The following CCT2 variants were observed in gnomAD, a reference collection of about 807,000 sequenced individuals.
The protein encoded by CCT2 is chaperonin containing TCP1 subunit 2, also known as T-complex protein 1 subunit beta.
Under a neutral mutation model 61.8 loss-of-function variants are expected in CCT2, and 18 were observed. That is an observed-to-expected ratio of 0.29 (90% CI 0.20 to 0.43). The LOEUF (loss-of-function observed/expected upper bound fraction) is 0.43, where lower values mean the gene tolerates loss of function less well. Among genes scored for constraint, CCT2 ranks in the 20% least tolerant of loss-of-function variants. CCT2 has a pLI of 1.00. For missense variants in CCT2, 556 were observed against 656.9 expected (o/e 0.85, Z 1.68); for synonymous variants, 248 against 215.9 (o/e 1.15, Z -1.30).
At chr12:69,598,504 A>G in intron 14 of CCT2, 83 bp downstream of exon 14, 1 of 778,722 alleles carries the variant, frequency 1.3e-6, no homozygotes, top group East Asian at 2.7e-5. Flanking sequence ...GAACATAAAG[A>G]GTTACAATAA....
intron 1 of CCT2, chr12:69,586,004 C>T (rs868117636): frequency 1.5e-6 from 2 of 1,348,438 alleles, no homozygotes; most frequent in South Asian, 1.7e-5. Context: ...CGTCTTTAGT[C>T]TCGCTGTACG....
At chr12:69,595,675 C>A (rs1440973948) in intron 10 of CCT2, among the ~76,000 whole-genome samples, 1 of 119,432 alleles carries the variant, frequency 8.4e-6, no homozygotes, top group African/African-American at 3.6e-5. Context: ...GGTGACAGAG[C>A]GAGACTCCGT....
intron 2 of CCT2, 152 bp downstream of exon 2, chr12:69,586,496 C>T (rs1303389360): frequency 4.6e-6 from 3 of 653,488 alleles, no homozygotes; most frequent in African/African-American, 1.8e-5. Flanking sequence ...GGTAAAACCC[C>T]GTTTCTACTA....
chr12:69,599,575 C>T (rs7956144), intron 14 of CCT2: 3,124 of 174,222 alleles, frequency 0.018, 110 homozygotes, highest in African/African-American at 0.069. Flanking sequence ...TTTTAGTAGA[C>T]GGGGTTTCAC....
Position 69,598,082 on chromosome 12 carries a change from C to A in CCT2, c.1335+11C>A. The A allele has an allele frequency of 6.3e-7, 1 of 1,576,068 alleles. No homozygotes were observed. Among genetic ancestry groups the A allele is most frequent in the Non-Finnish European group, 8.7e-7 (1 of 1,146,300 alleles). ...AAAGCACTGAGAATGGTAAGTTAAT[C>A]AAAATGAGAGATCCGAACTTAAGTT... On this transcript the variant is annotated intron_variant, in intron 13 of 15. Coordinates refer to ENST00000299300, the MANE Select transcript of CCT2 (RefSeq NM_006431.3).
chr12:69,592,277 AC>A, intron 8 of CCT2, 118 bp downstream of exon 8: 2 of 536,708 alleles, frequency 3.7e-6, no homozygotes, highest in Non-Finnish European at 6.8e-6. Context: ...GAAGTTTGAG[AC>A]CAGCCTGACC....
At position 69,587,991 on chromosome 12, in the gene CCT2, A is replaced by T; in HGVS notation, c.318A>T (p.Ala106=). 1 of 1,613,460 alleles carries T rather than the reference A, an allele frequency of 6.2e-7. No individual in the cohort carries two copies. Among genetic ancestry groups the T allele is most frequent in the Non-Finnish European group, 8.5e-7 (1 of 1,179,382 alleles). ...GCACTACCTCTGTTACCGTTTTAGC[A>T]GCAGAATTATTAAGGGTAAGAGCAA... ...GDGTTSVTVL[A]AELLREAESL... is the part of the protein sequence containing the mutation. Residue 106 remains alanine, a synonymous_variant, in exon 5 of 16, where the codon GCA becomes GCT. Coordinates refer to ENST00000299300, the MANE Select transcript of CCT2 (RefSeq NM_006431.3).
chr12:69,592,650 G>A (rs1881869557), intron 8 of CCT2: 1 of 236,090 alleles, frequency 4.2e-6, no homozygotes, highest in Admixed American at 5.2e-5. Context: ...ATGAGGCCTG[G>A]CGTGGTGGTT....
intron 14 of CCT2, among the ~76,000 whole-genome samples, chr12:69,599,193 C>T (rs1287585540): frequency 6.6e-6 from 1 of 151,778 alleles, no homozygotes; most frequent in East Asian, 1.9e-4. Flanking sequence ...TCAAGCAGTT[C>T]TCCTTCCTCA....
At chr12:69,585,556 C>T (rs1881619500) in intron 1 of CCT2, 32 bp downstream of exon 1, 2 of 1,566,546 alleles carry the variant, frequency 1.3e-6, no homozygotes, top group Non-Finnish European at 1.7e-6. Context: ...CTTGCCCTAC[C>T]CCTGCTCCGC....
chr12:69,593,691 C>A, intron 10 of CCT2, 78 bp downstream of exon 10: 1 of 802,850 alleles, frequency 1.2e-6, no homozygotes, highest in Non-Finnish European at 2.1e-6. Context: ...TATGCAACTA[C>A]CTTTAAGGAG....
At chr12:69,590,302 A>G (rs482640) in intron 7 of CCT2, among the ~76,000 whole-genome samples, 14,174 of 152,146 alleles carry the variant, frequency 0.093, 872 homozygotes, top group Non-Finnish European at 0.14. Context: ...GCGTCTTGGA[A>G]CCAGTCCCCT....
rs758705597 is a variant in CCT2, at chr12:69,592,991, G to A, written c.766G>A (p.Val256Ile). 6.2e-7 allele frequency: 1 copy of A among 1,612,880 alleles called. No individual in the cohort carries two copies. Among genetic ancestry groups the A allele is most frequent in the East Asian group, 2.2e-5 (1 of 44,852 alleles). Residue 256 changes from valine to isoleucine, a missense_variant, in exon 9 of 16, where the codon GTA becomes ATA. Val to Ile is a conservative substitution (Grantham distance 29). Around this residue, in one of 3 missense-constraint regions of CCT2, gnomAD observed 308 missense variants for 350.6 expected, o/e 0.88. Coordinates refer to ENST00000299300, the MANE Select transcript of CCT2 (RefSeq NM_006431.3). ...TTTGTCTTAGATATTTGGTTCCCGG[G>A]TAAGAGTTGACTCTACAGCAAAGGT... is the stretch of plus-strand genomic sequence containing the variant. ...TDKIKIFGSRVRVDSTAKVAE... is the reference protein window; with the variant it reads ...TDKIKIFGSRIRVDSTAKVAE...
At chr12:69,586,468 G>T in intron 2 of CCT2, 124 bp downstream of exon 2, 1 of 721,268 alleles carries the variant, frequency 1.4e-6, no homozygotes. Context: ...AGGAGTTCGA[G>T]ACCAGCCTGG....
At chr12:69,598,168 T>A in intron 13 of CCT2, 97 bp downstream of exon 13, 1 of 1,038,418 alleles carries the variant, frequency 9.6e-7, no homozygotes, top group Non-Finnish European at 1.4e-6. Flanking sequence ...TGCTTTTAAA[T>A]TTGATTCTGG....
intron 11 of CCT2, 141 bp from the exon 12 acceptor site, chr12:69,597,497 T>A (rs113430222): frequency 5.7e-6 from 6 of 1,054,390 alleles, no homozygotes; most frequent in Non-Finnish European, 1.4e-6. Flanking sequence ...CTTAGAACCA[T>A]TATGAGCCTT....
chr12:69,600,054 G>A (rs1385302236), intron 15 of CCT2, 50 bp downstream of exon 15: 14 of 1,500,828 alleles, frequency 9.3e-6, no homozygotes, highest in Admixed American at 1.9e-5. Context: ...AAACAAAATA[G>A]GGAGCTGTAT....
intron 6 of CCT2, 119 bp from the exon 7 acceptor site, chr12:69,589,365 CT>C (rs1482994551): frequency 4.4e-6 from 3 of 680,502 alleles, no homozygotes; most frequent in Non-Finnish European, 7.5e-6. Flanking sequence ...AGGTTTAATT[CT>C]TTTCATATAG....
intron 10 of CCT2, among the ~76,000 whole-genome samples, chr12:69,594,452 T>C (rs563790050): frequency 1.1e-4 from 17 of 152,246 alleles, no homozygotes; most frequent in Non-Finnish European, 2.4e-4. Context: ...CATTGTATAA[T>C]GAAAATTAGT....
Sources: gnomAD v4.1 joint callset for allele counts (sites outside exome capture counted in the v4.1 genomes callset) on GRCh38, gnomAD v4.1.1 for gene constraint, gnomAD v4.1.1 regional missense constraint, MANE v1.5 for transcripts, NCBI Gene and HGNC (gene_info 2026-07-23, HGNC 2026-07-21) for gene names.